PTGER3: variants seen among roughly 807,000 people sequenced by gnomAD.
PTGER3 encodes the protein prostaglandin E receptor 3.
PTGER3 carries 22 observed loss-of-function variants against 34.7 expected under a neutral mutation model. The ratio of observed to expected loss-of-function variants is 0.63; its 90% CI spans 0.45 to 0.91. The LOEUF is 0.91. Ranked by LOEUF, PTGER3 falls within the 40% of genes least tolerant of loss-of-function variation. The pLI is 0.00. For missense variants in PTGER3, 468 were observed against 519.4 expected, an observed-to-expected ratio of 0.90 and a Z score of 0.96; for synonymous variants, 241 against 230.1, an observed-to-expected ratio of 1.05 and a Z score of -0.43.
chr1:70,890,813 C>G (rs1646601054), intron 4 of PTGER3, among the ~76,000 whole-genome samples: 1 of 152,206 alleles, frequency 6.6e-6, no homozygotes. Flanking sequence ...CTAAGGCTGG[C>G]ATAAAAAGTC....
intron 4 of PTGER3, among the ~76,000 whole-genome samples, chr1:70,935,167 C>A (rs561866971): frequency 5.3e-5 from 8 of 152,186 alleles, no homozygotes; most frequent in African/African-American, 1.9e-4. Context: ...TGGGAAGAAG[C>A]ACATTAAATT....
At chr1:71,030,336 G>C (rs1042358530) in intron 1 of PTGER3, among the ~76,000 whole-genome samples, 2 of 152,150 alleles carry the variant, frequency 1.3e-5, no homozygotes, top group Admixed American at 6.5e-5. Context: ...GAAAAAAGAT[G>C]AAAGCAGGTT....
intron 4 of PTGER3, among the ~76,000 whole-genome samples, chr1:70,885,656 G>GGT (rs1297302678): frequency 6.6e-6 from 1 of 152,056 alleles, no homozygotes; most frequent in African/African-American, 2.4e-5. Context: ...TAATGTGTCA[G>GGT]GCACTGTGCT....
chr1:71,046,575 C>T, intron 1 of PTGER3, 106 bp downstream of exon 1: 2 of 1,357,390 alleles, frequency 1.5e-6, no homozygotes, highest in East Asian at 2.5e-5. Context: ...CTTCAGCGCT[C>T]TGCGGTTGCA....
chr1:70,990,274 T>C (rs1398284544), intron 2 of PTGER3, among the ~76,000 whole-genome samples: 3 of 150,424 alleles, frequency 2.0e-5, no homozygotes, highest in African/African-American at 7.3e-5. Context: ...GGAGAATCAC[T>C]TGAACCCGGG....
intron 4 of PTGER3, among the ~76,000 whole-genome samples, chr1:70,887,501 G>A (rs1646523195): frequency 6.6e-6 from 1 of 152,080 alleles, no homozygotes; most frequent in South Asian, 2.1e-4. Flanking sequence ...GAAGGCTCAG[G>A]TTTCTAAATC....
Position 71,047,791 on chromosome 1 carries a change from C to T in PTGER3, c.-214G>A. 2 of 413,006 alleles carry T rather than the reference C, an allele frequency of 4.8e-6. No homozygotes were observed. The highest frequency in any genetic ancestry group is 7.9e-6 in the Non-Finnish European group (2 of 251,862). 25.6% of individuals were successfully genotyped at this position (413,006 alleles called of 1,614,324 possible). A position where few individuals can be genotyped will look rare whatever the true frequency, so the allele number is the denominator to read the frequency against. ...GCCCGGGAGGGAGCCACGCCTTCCT[C>T]TCTGGGAAACCTCTGGTGGCGAGGC... On this transcript the variant is annotated 5_prime_UTR_variant, in exon 1 of 4. Transcript: ENST00000306666.
chr1:70,904,610 T>A (rs1193331570), intron 4 of PTGER3, among the ~76,000 whole-genome samples: 1 of 152,200 alleles, frequency 6.6e-6, no homozygotes, highest in African/African-American at 2.4e-5. Context: ...ATTTTTCCCC[T>A]GCCCTAGAGA....
At chr1:70,890,591 G>A (rs987087105) in intron 4 of PTGER3, among the ~76,000 whole-genome samples, 4 of 152,098 alleles carry the variant, frequency 2.6e-5, no homozygotes, top group Non-Finnish European at 4.4e-5. Context: ...TGCATGGTTC[G>A]TCTAACCTTA....
chr1:70,970,823 AAATAGATTCTTTTATTTTAT>A lies in PTGER3; in HGVS notation c.*887_*906del. The A allele has an allele frequency of 1.1e-6, 1 of 899,074 alleles. No individual in the cohort carries two copies. The highest frequency in any genetic ancestry group is 5.1e-5 in the South Asian group (1 of 19,418). 55.7% of individuals were successfully genotyped at this position (899,074 alleles called of 1,614,324 possible). A position where few individuals can be genotyped will look rare whatever the true frequency, so the allele number is the denominator to read the frequency against. On this transcript the variant is annotated 3_prime_UTR_variant, in exon 4 of 4. Coordinates refer to ENST00000306666, the MANE Select transcript of PTGER3 (RefSeq NM_198719.2). Reference sequence around the variant, plus strand: ...AAAGTTTTTTATTTTAATACAGACAAAATAGATTCTTTTATTTTATAAAAACGTAATAAAGTTTGTTATTC... The same window carrying A: ...AAAGTTTTTTATTTTAATACAGACAAAAAAACGTAATAAAGTTTGTTATTC...
intron 4 of PTGER3, among the ~76,000 whole-genome samples, chr1:70,939,885 C>T (rs766920816): frequency 1.6e-4 from 24 of 152,166 alleles, no homozygotes; most frequent in Admixed American, 3.3e-4. Context: ...TCCATTGTCT[C>T]GGGGATTAAC....
chr1:70,980,031 A>G (rs1267015461), intron 2 of PTGER3, among the ~76,000 whole-genome samples: 1 of 95,128 alleles, frequency 1.1e-5, no homozygotes, highest in East Asian at 2.7e-4. Context: ...AAGGGGAAAT[A>G]TTAAAGTAAT....
At chr1:70,901,749 A>G (rs192456588) in intron 4 of PTGER3, among the ~76,000 whole-genome samples, 1 of 152,226 alleles carries the variant, frequency 6.6e-6, no homozygotes, top group African/African-American at 2.4e-5. Flanking sequence ...TACCACATAC[A>G]GCATTGGTAA....
chr1:70,969,892 T>C (rs1316741683), downstream of PTGER3, among the ~76,000 whole-genome samples: 2 of 152,212 alleles, frequency 1.3e-5, no homozygotes, highest in Non-Finnish European at 2.9e-5. Context: ...GTAACACTCA[T>C]TTTATGTACG....
intron 2 of PTGER3, among the ~76,000 whole-genome samples, chr1:70,986,475 G>A (rs1252237999): frequency 6.6e-6 from 1 of 152,134 alleles, no homozygotes; most frequent in African/African-American, 2.4e-5. Flanking sequence ...GAAGGAAGTG[G>A]CTGTGCCTCA....
intron 3 of PTGER3, among the ~76,000 whole-genome samples, chr1:70,972,170 A>C (rs1653155907): frequency 6.6e-6 from 1 of 152,032 alleles, no homozygotes; most frequent in Non-Finnish European, 1.5e-5. Flanking sequence ...TACTAATACA[A>C]AAATTAGCTG....
intron 2 of PTGER3, among the ~76,000 whole-genome samples, chr1:70,958,528 T>C (rs1572760218): frequency 6.6e-6 from 1 of 152,208 alleles, no homozygotes; most frequent in Admixed American, 6.5e-5. Context: ...ATCTGATTTT[T>C]TGGGTTTTGG....
At chr1:70,952,403 C>T (rs1374962760), downstream of PTGER3, 3 of 983,864 alleles carry the variant, frequency 3.0e-6, no homozygotes, top group Non-Finnish European at 2.4e-6. Flanking sequence ...TTATAGAGTC[C>T]TAAAAGTGGA....
Position 70,993,388 on chromosome 1 carries a change from TA to T in PTGER3, c.1077+18916del, listed in dbSNP as rs538246377. Among the ~76,000 whole-genome samples, 241 of 152,334 alleles carry T rather than the reference TA, an allele frequency of 1.6e-3. 4 individuals are homozygous for T. The highest frequency in any genetic ancestry group is 5.4e-3 in the African/African-American group (224 of 41,566). On this transcript the variant is annotated intron_variant, in intron 2 of 3. Coordinates refer to ENST00000306666, the MANE Select transcript of PTGER3 (RefSeq NM_198719.2). ...CTGTGCGATAGAGCTTATGACACCC[TA>T]AAAGCTAGAGGAATCATGCTATACT...
Sources: gnomAD v4.1 joint callset for allele counts (sites outside exome capture counted in the v4.1 genomes callset) on GRCh38, gnomAD v4.1.1 for gene constraint, MANE v1.5 for transcripts, NCBI Gene and HGNC (gene_info 2026-07-23, HGNC 2026-07-21) for gene names.